Variants in LRRC7 observed in about 807,000 individuals in gnomAD.
LRRC7 encodes leucine rich repeat containing 7.
Under a neutral mutation model 175.7 loss-of-function variants are expected in LRRC7, and 23 were observed. That is an observed-to-expected ratio of 0.13 (90% confidence interval 0.09 to 0.19). The LOEUF is 0.19. Among genes scored for constraint, LRRC7 ranks in the 10% least tolerant of loss-of-function variants. The pLI is 1.00. For synonymous variants in LRRC7, 685 were observed against 680.9 expected (o/e 1.01, Z -0.09); for missense variants, 1,354 against 1,904.7 (o/e 0.71, Z 5.38).
chr1:69,741,708 G>A (rs2100858392), intron 2 of LRRC7, among the ~76,000 whole-genome samples: 1 of 152,104 alleles, frequency 6.6e-6, no homozygotes. Context: ...TGACTAGCCA[G>A]TCACCGAGTC....
intron 7 of LRRC7, among the ~76,000 whole-genome samples, chr1:69,916,450 C>A (rs1338060710): frequency 1.3e-5 from 2 of 151,160 alleles, no homozygotes; most frequent in African/African-American, 2.4e-5. Flanking sequence ...AAGATTTGAA[C>A]ATACAGAGAC....
At chr1:70,059,603 T>C (rs1023801297) in intron 23 of LRRC7, among the ~76,000 whole-genome samples, 4 of 151,988 alleles carry the variant, frequency 2.6e-5, no homozygotes, top group Non-Finnish European at 5.9e-5. Context: ...TAAAATACTT[T>C]TTTAAAGATT....
At chr1:70,053,711 T>C (rs993135263) in intron 23 of LRRC7, among the ~76,000 whole-genome samples, 3 of 151,640 alleles carry the variant, frequency 2.0e-5, no homozygotes, top group African/African-American at 7.3e-5. Context: ...ACAACAGGAG[T>C]AAAAAGAAAG....
chr1:69,646,688 G>C (rs979903618), intron 1 of LRRC7, among the ~76,000 whole-genome samples: 2 of 152,086 alleles, frequency 1.3e-5, no homozygotes, highest in African/African-American at 4.8e-5. Flanking sequence ...CACATTCACT[G>C]CTTCCTATGA....
chr1:69,782,471 G>T (rs1259821608), intron 3 of LRRC7, among the ~76,000 whole-genome samples: 1 of 152,206 alleles, frequency 6.6e-6, no homozygotes, highest in Non-Finnish European at 1.5e-5. Context: ...AGGTGGGATA[G>T]GGTGGAGTGG....
intron 1 of LRRC7, among the ~76,000 whole-genome samples, chr1:69,585,535 T>C (rs1646369885): frequency 6.6e-6 from 1 of 152,178 alleles, no homozygotes; most frequent in Non-Finnish European, 1.5e-5. Flanking sequence ...TCTAAAAAGT[T>C]GATAAATAGT....
At chr1:69,673,912 C>A (rs1659441075) in intron 1 of LRRC7, among the ~76,000 whole-genome samples, 1 of 151,790 alleles carries the variant, frequency 6.6e-6, no homozygotes, top group Non-Finnish European at 1.5e-5. Flanking sequence ...ATTTCAGTGA[C>A]AATAGCAAAA....
intron 6 of LRRC7, among the ~76,000 whole-genome samples, chr1:69,835,685 A>C (rs1188405016): frequency 6.6e-6 from 1 of 151,952 alleles, no homozygotes; most frequent in Non-Finnish European, 1.5e-5. Flanking sequence ...AGAAATGTCT[A>C]TTGCCATTGT....
At chr1:69,813,177 GT>G (rs1678159187) in intron 4 of LRRC7, among the ~76,000 whole-genome samples, 1 of 151,878 alleles carries the variant, frequency 6.6e-6, no homozygotes. Flanking sequence ...TCTTTATATG[GT>G]TCAAATTCTA....
chr1:69,827,683 C>G (rs1295009790), intron 5 of LRRC7, among the ~76,000 whole-genome samples: 1 of 151,772 alleles, frequency 6.6e-6, no homozygotes, highest in East Asian at 1.9e-4. Context: ...ATAAAGTATG[C>G]AAAAAATTGG....
At chr1:69,698,522 A>G (rs1662912733) in intron 2 of LRRC7, among the ~76,000 whole-genome samples, 1 of 152,196 alleles carries the variant, frequency 6.6e-6, no homozygotes, top group African/African-American at 2.4e-5. Context: ...ACCCATCTAG[A>G]TCTCCTTTTA....
intron 2 of LRRC7, among the ~76,000 whole-genome samples, chr1:69,750,093 T>TAAATAAATAAATA (rs139997047): frequency 2.1e-5 from 3 of 142,202 alleles, no homozygotes; most frequent in African/African-American, 5.3e-5. Context: ...AATAAATAAA[T>TAAATAAATAAATA]AATAATAACT....
At chr1:69,843,499 A>G (rs942265549) in intron 7 of LRRC7, among the ~76,000 whole-genome samples, 2 of 152,108 alleles carry the variant, frequency 1.3e-5, no homozygotes, top group Non-Finnish European at 2.9e-5. Context: ...ATACTTTTAA[A>G]CTACTAAACT....
At chr1:69,814,476 C>A (rs1323190017) in intron 4 of LRRC7, among the ~76,000 whole-genome samples, 1 of 152,114 alleles carries the variant, frequency 6.6e-6, no homozygotes, top group Non-Finnish European at 1.5e-5. Context: ...AGACATGATA[C>A]TCAGTGTTTT....
chr1:69,949,139 A>G (rs1319887184), intron 8 of LRRC7, among the ~76,000 whole-genome samples: 1 of 143,300 alleles, frequency 7.0e-6, no homozygotes, highest in African/African-American at 2.6e-5. Context: ...TGTAATAAAG[A>G]AAAAAAAAAA....
At chr1:69,835,104 T>TA (rs984357501) in intron 6 of LRRC7, among the ~76,000 whole-genome samples, 7 of 149,424 alleles carry the variant, frequency 4.7e-5, no homozygotes, top group South Asian at 2.1e-4. Context: ...GAGTTGGATA[T>TA]AAAAAAAAAT....
intron 2 of LRRC7, among the ~76,000 whole-genome samples, chr1:69,757,927 C>A (rs1670613430): frequency 6.6e-6 from 1 of 151,866 alleles, no homozygotes; most frequent in East Asian, 1.9e-4. Context: ...CATAGCCTCT[C>A]TTTCCACCTC....
At chr1:69,978,932 GAA>G (rs3069189) in intron 8 of LRRC7, among the ~76,000 whole-genome samples, 9,365 of 126,150 alleles carry the variant, frequency 0.074, 482 homozygotes, top group African/African-American at 0.18. Context: ...GTTTCAGTTA[GAA>G]AAAAAAAAAA....
intron 8 of LRRC7, among the ~76,000 whole-genome samples, chr1:69,970,608 A>T (rs1363792281): frequency 6.6e-6 from 1 of 152,162 alleles, no homozygotes; most frequent in Non-Finnish European, 1.5e-5. Context: ...ACAGGCCAAT[A>T]ACAAGCAGTA....
Sources: allele counts gnomAD v4.1 joint callset (sites outside exome capture counted in the v4.1 genomes callset), GRCh38; gene constraint gnomAD v4.1.1; transcripts MANE v1.5; gene names NCBI Gene and HGNC (gene_info 2026-07-23, HGNC 2026-07-21).